GFUS: variants seen among roughly 807,000 people sequenced by gnomAD.
GFUS encodes 3-5 epimerase/4-reductase.
GFUS carries 42 observed loss-of-function variants against 41.5 expected under a neutral mutation model. The observed-to-expected ratio is 1.01, with a 90% confidence interval of 0.79 to 1.31. The LOEUF (loss-of-function observed/expected upper bound fraction) is 1.31. Ranked by LOEUF, GFUS falls within the 50% of genes most tolerant of loss-of-function variation. The probability of loss-of-function intolerance (pLI) is 0.00; values close to 1 mark genes in which losing one functional copy is unlikely to be tolerated. For missense variants in GFUS, 437 were observed against 428.7 expected, an observed-to-expected ratio of 1.02 and a Z score of -0.17; for synonymous variants, 188 against 173.4, an observed-to-expected ratio of 1.08 and a Z score of -0.66.
intron 1 of GFUS, chr8:143,617,156 C>A (rs1215648176): frequency 5.7e-6 from 1 of 175,888 alleles, no homozygotes; most frequent in Non-Finnish European, 1.2e-5. Flanking sequence ...GCTGGCTGGT[C>A]CTGGAGAGCC....
intron 2 of GFUS, 87 bp from the exon 3 acceptor site, chr8:143,616,307 G>A (rs1829724662): frequency 7.4e-7 from 1 of 1,347,544 alleles, no homozygotes; most frequent in Non-Finnish European, 1.1e-6. Flanking sequence ...GTGGGACTAT[G>A]GCAGGAGGGA....
At chr8:143,615,131 C>A (rs1829692937) in intron 3 of GFUS, among the ~76,000 whole-genome samples, 1 of 152,122 alleles carries the variant, frequency 6.6e-6, no homozygotes, top group African/African-American at 2.4e-5. Context: ...GCTCTGCCTT[C>A]CACTATGAGG....
At chr8:143,616,952 G>A (rs1182543194) in intron 1 of GFUS, 4 of 589,140 alleles carry the variant, frequency 6.8e-6, no homozygotes, top group East Asian at 5.6e-5. Context: ...GCCCAGAGCA[G>A]CTGGTCCCAA....
At position 143,614,809 on chromosome 8, in the gene GFUS, G is replaced by A. The variant is rs775534939; in HGVS notation, c.368C>T (p.Thr123Ile). The change falls in exon 4 of 11, where the codon ACC becomes ATC. Residue 123 changes from threonine to isoleucine, a missense_variant. Coordinates refer to ENST00000425753, the MANE Select transcript of GFUS (RefSeq NM_003313.4). ...LSTCIFPDKT[T>I]YPIDETMIHN... The stretch of plus-strand genomic sequence containing the variant: ...CACCATGGTCTCATCTATCGGGTAG[G>A]TCGTCTTGTCAGGGAAGATACAGGT... The A allele has an allele frequency of 1.9e-5, 30 of 1,613,628 alleles. No individual in the cohort carries two copies. In the South Asian group the frequency reaches 3.2e-4, roughly 17 times the overall value.
At chr8:143,617,121 T>C (rs999845805) in intron 1 of GFUS, 1 of 218,476 alleles carries the variant, frequency 4.6e-6, no homozygotes, top group Non-Finnish European at 9.4e-6. Context: ...AGACGGCGCC[T>C]GTGTGCAGCC....
In GFUS at chr8:143,614,997, G is replaced by A. The variant is rs1422619445; in HGVS notation, c.262-82C>T. ...CTGCTCCTCCAGACGCAGAAGTGGA[G>A]ACACACCCTGGCCCTTCAGCCCTGG... On this transcript the variant is annotated intron_variant, in intron 3 of 10. Transcript: ENST00000425753. The A allele has an allele frequency of 4.6e-6, 7 of 1,530,972 alleles. No homozygotes were observed. The East Asian group carries it at 1.1e-4, about 25-fold the overall frequency. 94.8% of individuals were successfully genotyped at this position (1,530,972 alleles called of 1,614,324 possible).
intron 10 of GFUS, 83 bp downstream of exon 10, chr8:143,613,113 C>G: frequency 6.5e-7 from 1 of 1,538,930 alleles, no homozygotes; most frequent in East Asian, 2.2e-5. Context: ...GAGGGGGCAC[C>G]TCACCTCTGC....
In GFUS at chr8:143,616,151, C is replaced by T. The variant is rs1386466645; in HGVS notation, c.216G>A (p.Met72Ile). The T allele has an allele frequency of 3.1e-6, 5 of 1,612,496 alleles. No homozygotes were observed. The highest frequency in any genetic ancestry group is 4.2e-6 in the Non-Finnish European group (5 of 1,179,078). The change falls in exon 3 of 11, where the codon ATG becomes ATA. Residue 72 changes from methionine (M) to isoleucine (I), a missense_variant. Physicochemically the swap from Met to Ile is conservative, Grantham distance 10. Coordinates refer to ENST00000425753, the MANE Select transcript of GFUS (RefSeq NM_003313.4). ...TGATATTCCGGAACAGGCCCCCCAC[C>T]ATTGCAGCAAGATGGATGACGTGTG... Reference protein sequence around the residue: ...QPTHVIHLAAMVGGLFRNIKY... With the variant: ...QPTHVIHLAAIVGGLFRNIKY...
intron 3 of GFUS, 141 bp from the exon 4 acceptor site, chr8:143,615,056 G>C (rs1465245228): frequency 2.2e-6 from 3 of 1,339,738 alleles, no homozygotes; most frequent in East Asian, 5.0e-5. Flanking sequence ...AACCGTTTCC[G>C]GACAAGGCAG....
rs1161681630 is a variant in GFUS, at chr8:143,612,870, C to T, written c.*40G>A. 1.0e-5 allele frequency: 16 copies of T among 1,583,868 alleles called. No homozygotes were observed. The highest frequency in any genetic ancestry group is 1.7e-6 in the Non-Finnish European group (2 of 1,167,454). On this transcript the variant is annotated 3_prime_UTR_variant, in exon 11 of 11. Transcript: ENST00000425753. The stretch of plus-strand genomic sequence containing the variant: ...ACGGGTGGTGGCCGCTGGGCTCTGC[C>T]AGCCGATGGTCCGCTGGCACCTGAT...
At position 143,617,525 on chromosome 8, in the gene GFUS, G is replaced by T. The variant is rs996085264; in HGVS notation, c.-63C>A. The T allele has an allele frequency of 3.3e-5, 5 of 152,240 alleles. No homozygotes were observed. Among genetic ancestry groups the T allele is most frequent in the African/African-American group, 9.6e-5 (4 of 41,454 alleles). The allele number at this position is 152,240 out of a possible 1,614,324, so 9.4% of individuals were successfully genotyped here. A position where few individuals can be genotyped will look rare whatever the true frequency, so the allele number is the denominator to read the frequency against. ...CCGACAGCGGCTTCCGGCCGGGTGC[G>T]CTCCGGCTGCCCGCGGAGCCAGGTG... On this transcript the variant is annotated 5_prime_UTR_variant, in exon 1 of 11. Transcript: ENST00000425753.
Position 143,614,308 on chromosome 8 carries a change from G to A in GFUS, c.598+12C>T, listed in dbSNP as rs140352611. 2.6e-3 allele frequency: 4,256 copies of A among 1,613,526 alleles called. 9 individuals carry two copies. Among genetic ancestry groups the A allele is most frequent in the Non-Finnish European group, 3.4e-3 (4,039 of 1,179,792 alleles). ...GCTGAGCCCGGGCACCCCATCGGAC[G>A]GACGCACTCACTCTTGGCCAGGTGC... On this transcript the variant is annotated intron_variant, in intron 6 of 10. Transcript: ENST00000425753.
rs1373544557 is a variant in GFUS, at chr8:143,617,477, C to A, written c.-15G>T. ...GCTGAGTCCGGTGCCACCTCACCTGCGTCCAGCCCCACCGCCGGCTCCCCG... is the reference window on the plus strand; with the variant it reads ...GCTGAGTCCGGTGCCACCTCACCTGAGTCCAGCCCCACCGCCGGCTCCCCG... On this transcript the variant is annotated 5_prime_UTR_variant, in exon 1 of 11. Coordinates refer to ENST00000425753, the MANE Select transcript of GFUS (RefSeq NM_003313.4). 1.3e-5 allele frequency: 2 copies of A among 152,280 alleles called. No homozygotes were observed. The highest frequency in any genetic ancestry group is 4.8e-5 in the African/African-American group (2 of 41,470). The allele number at this position is 152,280 out of a possible 1,614,324, so 9.4% of individuals were successfully genotyped here.
chr8:143,615,803 A>C, intron 3 of GFUS: 1 of 342,660 alleles, frequency 2.9e-6, no homozygotes, highest in Non-Finnish European at 5.3e-6. Context: ...GGGGGCAGGA[A>C]CCAGCTCCCA....
rs769312636 is a variant in GFUS, at chr8:143,613,258, G to A, written c.848C>T (p.Thr283Ile). ...TTKSDGQFKK[T>I]ASNSKLRTYL... is the part of the protein sequence containing the mutation. ...GGTCCTCAGCTTGCTGTTACTGGCT[G>A]TCTTCTTAAACTGCCCATCCGACTT... Residue 283 changes from threonine (T) to isoleucine (I), a missense_variant, in exon 10 of 11, where the codon ACA becomes ATA. By Grantham distance (89) the Thr-to-Ile change is moderately conservative. Coordinates refer to ENST00000425753, the MANE Select transcript of GFUS (RefSeq NM_003313.4). The A allele has an allele frequency of 6.8e-6, 11 of 1,614,078 alleles. No homozygotes were observed. In the South Asian group the frequency reaches 8.8e-5, roughly 13 times the overall value.
chr8:143,616,611 A>C lies in GFUS; in HGVS notation c.102T>G (p.Pro34=), dbSNP rs767149821. The change falls in exon 2 of 11, where the codon CCT becomes CCG. Residue 34 remains proline, a synonymous_variant. Coordinates refer to ENST00000425753, the MANE Select transcript of GFUS (RefSeq NM_003313.4). ...QKVVADGAGL[P]GEDWVFVSSK... is the part of the protein sequence containing the mutation. ...AGGAGACAAACACCCAGTCCTCTCC[A>C]GGAAGTCCAGCTCCATCTGCTACCA... is the stretch of plus-strand genomic sequence containing the variant. 22 of 1,613,774 alleles carry C rather than the reference A, an allele frequency of 1.4e-5. 1 individual carries two copies. Among genetic ancestry groups the C allele is most frequent in the Non-Finnish European group, 1.9e-5 (22 of 1,179,992 alleles).
intron 8 of GFUS, 22 bp downstream of exon 8, chr8:143,613,729 G>A: frequency 1.9e-6 from 3 of 1,550,722 alleles, no homozygotes; most frequent in Non-Finnish European, 2.6e-6. Context: ...GGAGGAAGGG[G>A]GCTGAGGGCT....
rs774978674 is a variant in GFUS at position 143,613,320 on chromosome 8, C to T, written c.811-25G>A. On this transcript the variant is annotated intron_variant, in intron 9 of 10. Transcript: ENST00000425753. ...ACTGGAGGCTTTGTCAAGGCCACAG[C>T]GAGAAGAGCACCTCCACCCCAGCCC... The T allele has an allele frequency of 7.3e-5, 117 of 1,607,454 alleles. 1 individual carries two copies. In the South Asian group the frequency reaches 1.2e-3, roughly 16 times the overall value.
chr8:143,613,944 C>T lies in GFUS; in HGVS notation c.664-127G>A, dbSNP rs1219291776. 4 of 1,206,510 alleles carry T rather than the reference C, an allele frequency of 3.3e-6. No homozygotes were observed. The Admixed American group carries it at 6.5e-5, about 20-fold the overall frequency. The allele number at this position is 1,206,510 out of a possible 1,614,324, so 74.7% of individuals were successfully genotyped here. ...CTCAGCCTGGGGAACAGGGGTCCCT[C>T]CTTTCTCCCTTGGAGCTCAGAGCTA... is the stretch of plus-strand genomic sequence containing the variant. On this transcript the variant is annotated intron_variant, in intron 7 of 10. Coordinates refer to ENST00000425753, the MANE Select transcript of GFUS (RefSeq NM_003313.4).
Sources: gnomAD v4.1 joint callset for allele counts (sites outside exome capture counted in the v4.1 genomes callset) on GRCh38, gnomAD v4.1.1 for gene constraint, MANE v1.5 for transcripts, NCBI Gene and HGNC (gene_info 2026-07-23, HGNC 2026-07-21) for gene names.